The following STXBP5L variants were observed in gnomAD, a reference collection of about 807,000 sequenced individuals.
STXBP5L encodes syntaxin binding protein 5L, also known as syntaxin-binding protein 5-like.
A neutral mutation model predicts 144.5 loss-of-function variants in STXBP5L; 65 were observed. The observed-to-expected ratio is 0.45, with a 90% confidence interval of 0.37 to 0.55. The LOEUF (loss-of-function observed/expected upper bound fraction) is 0.55, where lower values mean the gene tolerates loss of function less well. Ranked by LOEUF, STXBP5L falls within the 20% of genes least tolerant of loss-of-function variation. STXBP5L has a pLI of 0.00. For missense variants in STXBP5L, 1,298 were observed against 1,405.5 expected, an observed-to-expected ratio of 0.92 and a Z score of 1.22; for synonymous variants, 505 against 469.6, an observed-to-expected ratio of 1.08 and a Z score of -0.97.
chr3:121,375,012 G>T (rs1039786111), intron 20 of STXBP5L, among the ~76,000 whole-genome samples: 4 of 108,300 alleles, frequency 3.7e-5, no homozygotes, highest in Non-Finnish European at 6.5e-5. Context: ...AGACTCAGAA[G>T]GGTGGGAGGG....
chr3:120,979,292 G>T (rs568052605), intron 3 of STXBP5L, among the ~76,000 whole-genome samples: 1 of 152,308 alleles, frequency 6.6e-6, no homozygotes, highest in East Asian at 1.9e-4. Flanking sequence ...CTTGCAGTTT[G>T]ATCTCAGACT....
At chr3:121,127,667 C>T (rs1191598828) in intron 7 of STXBP5L, among the ~76,000 whole-genome samples, 7 of 151,924 alleles carry the variant, frequency 4.6e-5, no homozygotes, top group South Asian at 4.2e-4. Context: ...ATTACATCTG[C>T]AAAGATTCTA....
At chr3:121,282,349 A>G (rs2051090024) in intron 19 of STXBP5L, 2 of 1,609,584 alleles carry the variant, frequency 1.2e-6, no homozygotes, top group Admixed American at 3.3e-5. Flanking sequence ...TAAGTTATAT[A>G]AAGGTTAGGC....
intron 20 of STXBP5L, among the ~76,000 whole-genome samples, chr3:121,356,776 C>T (rs991444122): frequency 6.6e-6 from 1 of 152,194 alleles, no homozygotes; most frequent in Non-Finnish European, 1.5e-5. Context: ...CTGTATCAAT[C>T]ACGCTGGAAG....
intron 5 of STXBP5L, among the ~76,000 whole-genome samples, chr3:121,049,412 G>A (rs950443503): frequency 6.6e-6 from 1 of 152,064 alleles, no homozygotes; most frequent in African/African-American, 2.4e-5. Context: ...CAGGGGTGGG[G>A]GCTCCTGTGT....
intron 5 of STXBP5L, among the ~76,000 whole-genome samples, chr3:121,081,612 G>A (rs189368545): frequency 8.5e-4 from 129 of 152,258 alleles, no homozygotes; most frequent in Non-Finnish European, 1.1e-3. Flanking sequence ...CTCTCATAGT[G>A]TATACTTTTT....
chr3:121,129,068 G>A (rs1016470135), intron 7 of STXBP5L, among the ~76,000 whole-genome samples: 4 of 151,980 alleles, frequency 2.6e-5, no homozygotes, highest in African/African-American at 9.7e-5. Flanking sequence ...CCAGTTAGAG[G>A]CGAGACATAT....
At chr3:121,352,970 G>C (rs1576261110) in intron 20 of STXBP5L, among the ~76,000 whole-genome samples, 2 of 152,220 alleles carry the variant, frequency 1.3e-5, no homozygotes, top group South Asian at 4.1e-4. Flanking sequence ...TTCTGTTTAT[G>C]TGATGGATTA....
chr3:120,927,212 G>A (rs866767), intron 2 of STXBP5L, among the ~76,000 whole-genome samples: 1 of 152,222 alleles, frequency 6.6e-6, no homozygotes, highest in East Asian at 1.9e-4. Context: ...TGGGATTACA[G>A]GTGTGAGCCA....
At chr3:120,999,912 T>C (rs538835627) in intron 3 of STXBP5L, among the ~76,000 whole-genome samples, 5 of 152,230 alleles carry the variant, frequency 3.3e-5, no homozygotes, top group African/African-American at 7.2e-5. Context: ...ACATTTCTTT[T>C]CTTTAATGAT....
intron 3 of STXBP5L, among the ~76,000 whole-genome samples, chr3:120,997,669 G>C (rs560126933): frequency 6.6e-6 from 1 of 152,000 alleles, no homozygotes; most frequent in Admixed American, 6.6e-5. Flanking sequence ...TTGTAGTCTG[G>C]ATATTAGACC....
chr3:121,047,115 A>G (rs547942176), intron 5 of STXBP5L, among the ~76,000 whole-genome samples: 1 of 152,266 alleles, frequency 6.6e-6, no homozygotes, highest in South Asian at 2.1e-4. Context: ...TTTACCCAAA[A>G]GTCATTCAGG....
chr3:121,167,630 T>A (rs1206073542), intron 9 of STXBP5L, among the ~76,000 whole-genome samples: 1 of 152,080 alleles, frequency 6.6e-6, no homozygotes, highest in African/African-American at 2.4e-5. Flanking sequence ...CTCTCCAGAT[T>A]GCTTCTCTCT....
chr3:121,209,824 G>C (rs930733863), intron 10 of STXBP5L, among the ~76,000 whole-genome samples: 2 of 152,232 alleles, frequency 1.3e-5, no homozygotes, highest in African/African-American at 4.8e-5. Flanking sequence ...TCTTAATCCA[G>C]TCTATCACTG....
At chr3:120,930,361 A>G (rs1709868200) in intron 2 of STXBP5L, among the ~76,000 whole-genome samples, 2 of 151,616 alleles carry the variant, frequency 1.3e-5, no homozygotes, top group African/African-American at 4.8e-5. Flanking sequence ...GGCTTATATT[A>G]TTTCCTTATA....
At chr3:121,368,908 A>C (rs1387446690) in intron 20 of STXBP5L, among the ~76,000 whole-genome samples, 2 of 152,226 alleles carry the variant, frequency 1.3e-5, no homozygotes, top group Non-Finnish European at 2.9e-5. Flanking sequence ...CTTGGAAGTC[A>C]CTTCAGACAG....
At chr3:120,974,049 A>G (rs2107811047) in intron 3 of STXBP5L, among the ~76,000 whole-genome samples, 1 of 152,286 alleles carries the variant, frequency 6.6e-6, no homozygotes, top group East Asian at 1.9e-4. Flanking sequence ...TCCTTTGGGT[A>G]TATACCGAGT....
intron 3 of STXBP5L, among the ~76,000 whole-genome samples, chr3:120,969,197 A>G (rs1939950329): frequency 6.6e-6 from 1 of 151,612 alleles, no homozygotes; most frequent in African/African-American, 2.4e-5. Context: ...ATCCATGCCA[A>G]CATCTATTTT....
chr3:121,023,818 C>T (rs553278010), intron 3 of STXBP5L, among the ~76,000 whole-genome samples: 1 of 152,128 alleles, frequency 6.6e-6, no homozygotes, highest in Non-Finnish European at 1.5e-5. Context: ...TGCAGTGGTG[C>T]AATCTTGGCT....
Sources: gnomAD v4.1 joint callset for allele counts (sites outside exome capture counted in the v4.1 genomes callset) on GRCh38, gnomAD v4.1.1 for gene constraint, MANE v1.5 for transcripts, NCBI Gene and HGNC (gene_info 2026-07-23, HGNC 2026-07-21) for gene names.